TMF1: variants seen among roughly 807,000 people sequenced by gnomAD.
The protein encoded by TMF1 is TATA element modulatory factor.
A neutral mutation model predicts 126.5 loss-of-function variants in TMF1; 71 were observed. The ratio of observed to expected loss-of-function variants is 0.56; its 90% confidence interval spans 0.46 to 0.68. The LOEUF is 0.68. Among genes scored for constraint, TMF1 ranks in the 30% least tolerant of loss-of-function variants. TMF1 has a pLI of 0.00. For missense variants in TMF1, 1,259 were observed against 1,253.2 expected, an observed-to-expected ratio of 1.00 and a Z score of -0.07; for synonymous variants, 461 against 430.5, an observed-to-expected ratio of 1.07 and a Z score of -0.88.
At chr3:69,028,122 C>T (rs2091780257) in intron 12 of TMF1, 104 bp downstream of exon 12, 2 of 1,160,826 alleles carry the variant, frequency 1.7e-6, no homozygotes, top group Non-Finnish European at 1.3e-6. Flanking sequence ...GTTCCAAAAG[C>T]AGTGGCATCA....
intron 8 of TMF1, among the ~76,000 whole-genome samples, chr3:69,036,290 AT>A (rs936498366): frequency 6.6e-6 from 1 of 152,130 alleles, no homozygotes; most frequent in Non-Finnish European, 1.5e-5. Context: ...TGTATAATCT[AT>A]CAATAAGAAA....
chr3:69,030,099 A>C, intron 10 of TMF1, 92 bp from the exon 11 acceptor site: 1 of 1,093,648 alleles, frequency 9.1e-7, no homozygotes, highest in South Asian at 1.6e-5. Context: ...TTAATGATGC[A>C]AGTAGCCACA....
chr3:69,048,019 G>A lies in TMF1; in HGVS notation c.686C>T (p.Pro229Leu). 6.2e-7 allele frequency: 1 copy of A among 1,613,920 alleles called. No homozygotes were observed. The highest frequency in any genetic ancestry group is 8.5e-7 in the Non-Finnish European group (1 of 1,180,016). Residue 229 changes from proline to leucine, a missense_variant, in exon 2 of 17, where the codon CCT (proline) becomes CTT (leucine). Transcript: ENST00000398559. ...TAETKDIALEPKEQKHEDRQS... is the reference protein window; with the variant it reads ...TAETKDIALELKEQKHEDRQS... ...CCTGTCTTCATGTTTTTGTTCCTTA[G>A]GTTCCAAAGCTATGTCCTTTGTTTC... is the stretch of plus-strand genomic sequence containing the variant.
chr3:69,050,076 A>T (rs1019365356), intron 1 of TMF1, among the ~76,000 whole-genome samples: 6 of 152,046 alleles, frequency 3.9e-5, no homozygotes, highest in Admixed American at 1.3e-4. Context: ...CCTGGCCAAC[A>T]TGGTAAAACC....
chr3:69,028,918 T>C (rs1032215923), intron 11 of TMF1, among the ~76,000 whole-genome samples: 4 of 152,046 alleles, frequency 2.6e-5, no homozygotes, highest in African/African-American at 9.7e-5. Flanking sequence ...AAAATCTGAT[T>C]AAAGGTACAA....
intron 5 of TMF1, among the ~76,000 whole-genome samples, chr3:69,040,004 G>A (rs1312843044): frequency 6.6e-6 from 1 of 152,180 alleles, no homozygotes; most frequent in African/African-American, 2.4e-5. Context: ...ACCAATTGTA[G>A]TACAGCCTGA....
At position 69,047,458 on chromosome 3, in the gene TMF1, G is replaced by C; in HGVS notation, c.1247C>G (p.Pro416Arg). The change falls in exon 2 of 17, where the codon CCA becomes CGA. Residue 416 changes from proline (P) to arginine (R), a missense_variant. By Grantham distance (103) the Pro-to-Arg change is moderately radical (BLOSUM62 -2). Coordinates refer to ENST00000398559, the MANE Select transcript of TMF1 (RefSeq NM_007114.3). ...TAACACAGTCTGTCCTTCATTTATT[G>C]GTGTGGAAGAAACCAAGATATCAGG... ...EQPDILVSSTPINEGQTVLDK... is the reference protein window; with the variant it reads ...EQPDILVSSTRINEGQTVLDK... 6.2e-7 allele frequency: 1 copy of C among 1,614,112 alleles called. No individual in the cohort carries two copies.
chr3:69,036,210 A>C (rs2091830515), intron 8 of TMF1, among the ~76,000 whole-genome samples: 1 of 152,128 alleles, frequency 6.6e-6, no homozygotes, highest in African/African-American at 2.4e-5. Context: ...AAGTAAATAA[A>C]ACAAGTTATA....
In TMF1 at chr3:69,035,766, T is replaced by TA. The variant is rs535717863; in HGVS notation, c.2152-652dup. On this transcript the variant is annotated intron_variant, in intron 8 of 16. Transcript: ENST00000398559. ...AATTACAATAAATGTATAAAACATGTAAAAAAAATTTCTAATATACTATTA... is the reference window on the plus strand; with the variant it reads ...AATTACAATAAATGTATAAAACATGTAAAAAAAAATTTCTAATATACTATTA... Among the ~76,000 whole-genome samples, 64 of 152,012 alleles carry TA rather than the reference T, an allele frequency of 4.2e-4. 1 individual carries two copies. The highest frequency in any genetic ancestry group is 2.1e-3 in the South Asian group (10 of 4,812).
intron 13 of TMF1, among the ~76,000 whole-genome samples, chr3:69,027,522 T>A (rs2091776270): frequency 6.6e-6 from 1 of 152,106 alleles, no homozygotes; most frequent in African/African-American, 2.4e-5. Context: ...AGGACACTGA[T>A]TATAATACTA....
chr3:69,034,781 T>C (rs1284454859), intron 9 of TMF1, among the ~76,000 whole-genome samples: 3 of 152,146 alleles, frequency 2.0e-5, no homozygotes, highest in African/African-American at 7.2e-5. Flanking sequence ...GGAAAAGCAA[T>C]ACTGAATACA....
intron 15 of TMF1, 174 bp downstream of exon 15, chr3:69,025,386 C>A (rs931370197): frequency 9.2e-5 from 51 of 557,188 alleles, no homozygotes; most frequent in African/African-American, 8.7e-4. Flanking sequence ...TTATCCTTAG[C>A]TAATTTCTCT....
In TMF1 at chr3:69,051,049, T is replaced by C. The variant is rs1170159308; in HGVS notation, c.142+896A>G. 1.1e-4 allele frequency among the ~76,000 whole-genome samples: 16 copies of C among 152,234 alleles called. 1 individual carries two copies. Among genetic ancestry groups the C allele is most frequent in the Admixed American group, 9.8e-4 (15 of 15,284 alleles). ...CTTGGGTCACACATTTTCCGGCTAA[T>C]ACCTCCGGCACATTCTAATCCTCCT... On this transcript the variant is annotated intron_variant, in intron 1 of 16. Coordinates refer to ENST00000398559, the MANE Select transcript of TMF1 (RefSeq NM_007114.3).
At position 69,048,229 on chromosome 3, in the gene TMF1, A is replaced by G. The variant is rs201326000; in HGVS notation, c.476T>C (p.Val159Ala). ...ESQVKDSSLC[V>A]SGETLAAGTS... The stretch of plus-strand genomic sequence containing the variant: ...ACCTGCTGCCAGAGTTTCCCCTGAA[A>G]CACACAAAGAAGAGTCTTTTACTTG... Residue 159 changes from valine to alanine, a missense_variant, in exon 2 of 17, where the codon GTT (valine) becomes GCT (alanine). Physicochemically the swap from Val to Ala is moderately conservative, Grantham distance 64. Coordinates refer to ENST00000398559, the MANE Select transcript of TMF1 (RefSeq NM_007114.3). 1.3e-4 allele frequency: 207 copies of G among 1,614,042 alleles called. No individual in the cohort carries two copies. Among genetic ancestry groups the G allele is most frequent in the Non-Finnish European group, 1.6e-4 (194 of 1,180,036 alleles).
chr3:69,026,980 T>C (rs187443063), intron 13 of TMF1, among the ~76,000 whole-genome samples: 402 of 152,194 alleles, frequency 2.6e-3, no homozygotes, highest in African/African-American at 9.3e-3. Flanking sequence ...TACAGAAAAC[T>C]CATTTTTATT....
intron 10 of TMF1, among the ~76,000 whole-genome samples, chr3:69,031,315 GA>G (rs1454293887): frequency 6.6e-6 from 1 of 151,392 alleles, no homozygotes; most frequent in African/African-American, 2.4e-5. Flanking sequence ...TTTCAGCTAA[GA>G]AAAAAAGAAA....
chr3:69,029,900 G>T lies in TMF1; in HGVS notation c.2509C>A (p.Leu837Ile), dbSNP rs149174901. Residue 837 changes from leucine (L) to isoleucine (I), a missense_variant, in exon 11 of 17, where the codon CTT (leucine) becomes ATT (isoleucine). Coordinates refer to ENST00000398559, the MANE Select transcript of TMF1 (RefSeq NM_007114.3). ...QMSSMESQNSLLRQENSRFQA... is the reference protein window; with the variant it reads ...QMSSMESQNSILRQENSRFQA... ...AATCTACTGTTTTCCTGTCTTAAAA[G>T]AGAATTCTGTGACTCCATGGAAGAC... 1.0e-4 allele frequency: 166 copies of T among 1,614,072 alleles called. No individual in the cohort carries two copies. The East Asian group carries it at 3.5e-3, about 34-fold the overall frequency.
Position 69,047,552 on chromosome 3 carries a change from C to T in TMF1, c.1153G>A (p.Val385Ile), listed in dbSNP as rs1044454390. The T allele has an allele frequency of 3.1e-6, 5 of 1,613,998 alleles. No homozygotes were observed. In the Admixed American group the frequency reaches 6.7e-5, roughly 22 times the overall value. ...ATTTCTGCTTCCTCAGTGGGTATAA[C>T]TAATGTTTCATTTACTTCTTCAGAT... ...GKSEEVNETL[V>I]IPTEEAEMEE... The change falls in exon 2 of 17, where the codon GTT becomes ATT. Residue 385 changes from valine (V) to isoleucine (I), a missense_variant. Transcript: ENST00000398559.
Position 69,039,540 on chromosome 3 carries a change from T to C in TMF1, c.1827+11A>G, listed in dbSNP as rs1470085459. The C allele has an allele frequency of 3.1e-6, 5 of 1,607,322 alleles. No homozygotes were observed. Among genetic ancestry groups the C allele is most frequent in the African/African-American group, 1.3e-5 (1 of 74,306 alleles). On this transcript the variant is annotated intron_variant, in intron 6 of 16. Coordinates refer to ENST00000398559, the MANE Select transcript of TMF1 (RefSeq NM_007114.3). ...ACAATATATATGTAGAGAATTATGA[T>C]TGCTATTCACCTGTTTCAAATGCTG...
Sources: allele counts gnomAD v4.1 joint callset (sites outside exome capture counted in the v4.1 genomes callset), GRCh38; gene constraint gnomAD v4.1.1; transcripts MANE v1.5; gene names NCBI Gene and HGNC (gene_info 2026-07-23, HGNC 2026-07-21).